The following ZC3H12B variants were observed in gnomAD, a reference collection of about 807,000 sequenced individuals.
ZC3H12B encodes the protein zinc finger CCCH-type containing 12B.
In ZC3H12B, 7 loss-of-function variants were observed where a neutral mutation model predicts 43.9. The observed-to-expected ratio is 0.16, with a 90% CI of 0.09 to 0.30. The LOEUF (loss-of-function observed/expected upper bound fraction) is 0.30. Ranked by LOEUF, ZC3H12B falls within the 10% of genes least tolerant of loss-of-function variation. The probability of loss-of-function intolerance (pLI) is 1.00; values close to 1 mark genes in which losing one functional copy is unlikely to be tolerated. For synonymous variants in ZC3H12B, 222 were observed against 241.7 expected (o/e 0.92, Z 0.76); for missense variants, 475 against 670.2 (o/e 0.71, Z 3.22).
chrX:65,160,746 G>A, the ZC3H12B span, among the ~76,000 whole-genome samples: 1 of 111,195 alleles, frequency 9.0e-6, no homozygotes, highest in Non-Finnish European at 1.9e-5. Context: ...AGGGTTTTTT[G>A]TGTCTCTATT....
chrX:65,211,157 G>T, the ZC3H12B span, among the ~76,000 whole-genome samples: 17 of 105,772 alleles, frequency 1.6e-4, no homozygotes, highest in Admixed American at 1.5e-3. Context: ...TGATGGGGTT[G>T]TTTGTTTCTT....
chrX:65,325,698 C>G, the ZC3H12B span, among the ~76,000 whole-genome samples: 1 of 111,303 alleles, frequency 9.0e-6, no homozygotes, highest in Non-Finnish European at 1.9e-5. Flanking sequence ...AAATTCAGCA[C>G]TATTCCAATG....
chrX:65,098,127 C>A, the ZC3H12B span, among the ~76,000 whole-genome samples: 14 of 109,550 alleles, frequency 1.3e-4, no homozygotes, highest in African/African-American at 4.7e-4. Context: ...AATGTGTGTG[C>A]ATCTCATTTA....
the ZC3H12B span, among the ~76,000 whole-genome samples, chrX:65,329,283 A>G: frequency 9.0e-6 from 1 of 111,118 alleles, no homozygotes; most frequent in Non-Finnish European, 1.9e-5. Context: ...TTTGATTTGC[A>G]TTTCTCTGAT....
the ZC3H12B span, among the ~76,000 whole-genome samples, chrX:65,067,677 A>C: frequency 1.8e-5 from 2 of 109,012 alleles, no homozygotes; most frequent in African/African-American, 3.3e-5. Flanking sequence ...ATTTTGTTTA[A>C]TTTTTCAAAA....
the ZC3H12B span, among the ~76,000 whole-genome samples, chrX:65,305,331 A>T: frequency 1.4e-4 from 15 of 108,123 alleles, no homozygotes; most frequent in African/African-American, 2.0e-4. Flanking sequence ...TGCAACATTT[A>T]AAAAAAAAAG....
At chrX:65,126,265 A>G in the ZC3H12B span, among the ~76,000 whole-genome samples, 15 of 111,204 alleles carry the variant, frequency 1.3e-4, no homozygotes, top group South Asian at 7.6e-4. Context: ...TGCTGGATAC[A>G]GAATTCTTGG....
chrX:65,382,467 C>G (rs1297277733), intron 2 of ZC3H12B, among the ~76,000 whole-genome samples: 1 of 111,256 alleles, frequency 9.0e-6, no homozygotes, highest in Admixed American at 9.6e-5. Context: ...ATAATAAGAG[C>G]TATTTATGAC....
the ZC3H12B span, among the ~76,000 whole-genome samples, chrX:65,330,309 G>C: frequency 1.8e-5 from 2 of 111,698 alleles, no homozygotes; most frequent in Non-Finnish European, 3.8e-5. Flanking sequence ...TTTGGGCTGA[G>C]ACAGTGGGGT....
At chrX:65,079,844 C>T in the ZC3H12B span, among the ~76,000 whole-genome samples, 1 of 110,912 alleles carries the variant, frequency 9.0e-6, no homozygotes, top group African/African-American at 3.3e-5. Context: ...ATCAACACTA[C>T]CCAGGAAAAC....
At chrX:65,078,448 G>A in the ZC3H12B span, among the ~76,000 whole-genome samples, 1 of 111,994 alleles carries the variant, frequency 8.9e-6, no homozygotes, top group South Asian at 3.7e-4. Context: ...TAGTAAGGTA[G>A]GAGGAACATA....
At chrX:65,391,989 G>T (rs1348426473) in intron 2 of ZC3H12B, among the ~76,000 whole-genome samples, 1 of 111,763 alleles carries the variant, frequency 8.9e-6, no homozygotes, top group Non-Finnish European at 1.9e-5. Flanking sequence ...CTGGTCTCCA[G>T]CTCCTGACCT....
chrX:65,502,133 A>G, exon 5 of ZC3H12B: 1 of 1,209,227 alleles, frequency 8.3e-7, no homozygotes, highest in Non-Finnish European at 1.1e-6. Context: ...ACCCCCCAAA[A>G]GCCATGCAGT....
chrX:65,160,432 C>T, the ZC3H12B span, among the ~76,000 whole-genome samples: 1 of 111,729 alleles, frequency 9.0e-6, no homozygotes, highest in Non-Finnish European at 1.9e-5. Flanking sequence ...ATTGCCACAG[C>T]TTCAGAGCCT....
At chrX:65,390,810 G>A (rs1031139615) in intron 2 of ZC3H12B, among the ~76,000 whole-genome samples, 1 of 111,920 alleles carries the variant, frequency 8.9e-6, no homozygotes, top group Admixed American at 9.5e-5. Flanking sequence ...CTCAAGGATA[G>A]ACCATATGTT....
chrX:65,395,372 A>G (rs918040567), intron 2 of ZC3H12B, among the ~76,000 whole-genome samples: 4 of 111,772 alleles, frequency 3.6e-5, no homozygotes, highest in Non-Finnish European at 7.5e-5. Flanking sequence ...TTATTTTGAG[A>G]TATGTTCCAT....
chrX:65,368,230 T>A (rs1248231258), intron 1 of ZC3H12B, among the ~76,000 whole-genome samples: 1 of 111,848 alleles, frequency 8.9e-6, no homozygotes, highest in Non-Finnish European at 1.9e-5. Context: ...AAACTGCAAA[T>A]GTCTTTTCAT....
the ZC3H12B span, among the ~76,000 whole-genome samples, chrX:65,196,022 T>C: frequency 4.0e-3 from 452 of 111,838 alleles, 2 homozygotes; most frequent in Non-Finnish European, 7.0e-3. Flanking sequence ...AGCCTGTAAG[T>C]GGCTCAGACC....
chrX:65,129,487 G>A, the ZC3H12B span, among the ~76,000 whole-genome samples: 13 of 109,263 alleles, frequency 1.2e-4, no homozygotes, highest in Admixed American at 4.9e-4. Flanking sequence ...GTTCTCTGGC[G>A]GGCAGGGGCG....
Sources: gnomAD v4.1 joint callset for allele counts (sites outside exome capture counted in the v4.1 genomes callset) on GRCh38, gnomAD v4.1.1 for gene constraint, MANE v1.5 for transcripts, NCBI Gene and HGNC (gene_info 2026-07-23, HGNC 2026-07-21) for gene names.